The following USH2A variants were observed in gnomAD, a reference collection of about 807,000 sequenced individuals.
USH2A encodes the protein usherin.
USH2A carries 443 observed loss-of-function variants against 538.9 expected under a neutral mutation model. That is an observed-to-expected ratio of 0.82 (90% CI 0.76 to 0.89). USH2A has a LOEUF of 0.89. Ranked by LOEUF, USH2A falls within the 40% of genes least tolerant of loss-of-function variation. The pLI is 0.00. For missense variants in USH2A, 6,633 were observed against 6,324.8 expected (o/e 1.05, Z -1.65); for synonymous variants, 2,413 against 2,273.5 (o/e 1.06, Z -1.75).
At chr1:215,885,865 T>C (rs1188334714) in intron 41 of USH2A, among the ~76,000 whole-genome samples, 1 of 152,222 alleles carries the variant, frequency 6.6e-6, no homozygotes, top group Non-Finnish European at 1.5e-5. Context: ...CTCCTTGTAT[T>C]ATCCCCCACC....
chr1:215,958,666 C>G (rs2102448411), intron 37 of USH2A, among the ~76,000 whole-genome samples: 1 of 152,198 alleles, frequency 6.6e-6, no homozygotes, highest in Non-Finnish European at 1.5e-5. Flanking sequence ...CACCCCACTC[C>G]TTCCAGATGT....
chr1:215,714,259 AAAAT>A (rs1255810635), intron 61 of USH2A, among the ~76,000 whole-genome samples: 3 of 152,248 alleles, frequency 2.0e-5, no homozygotes, highest in African/African-American at 7.2e-5. Context: ...ATTAAAGAGA[AAAAT>A]AAAGACAGAA....
chr1:215,901,227 C>T (rs1408768326), intron 38 of USH2A: 2 of 385,038 alleles, frequency 5.2e-6, no homozygotes, highest in African/African-American at 2.1e-5. Context: ...TATTAAAGTA[C>T]CTTTTTCATT....
rs148284244 is a variant in USH2A at position 216,299,269 on chromosome 1, C to T, written c.1645-6899G>A. On this transcript the variant is annotated intron_variant, in intron 9 of 71. Coordinates refer to ENST00000307340, the MANE Select transcript of USH2A (RefSeq NM_206933.4). ...AGAGTGGTTTAAGATGTTCCAATTC[C>T]TAAAAAAAAAAAGGCTAACATTTAT... Among the ~76,000 whole-genome samples the T allele has an allele frequency of 1.8e-4, 26 of 147,288 alleles. 1 individual carries two copies. In the East Asian group the frequency reaches 4.5e-3, roughly 26 times the overall value.
chr1:216,092,221 T>G (rs1410345416), intron 22 of USH2A, among the ~76,000 whole-genome samples: 1 of 152,094 alleles, frequency 6.6e-6, no homozygotes, highest in African/African-American at 2.4e-5. Context: ...TCTACTATGT[T>G]CCAAAGACTG....
intron 51 of USH2A, among the ~76,000 whole-genome samples, chr1:215,788,751 T>C (rs534617165): frequency 2.7e-4 from 41 of 152,258 alleles, no homozygotes; most frequent in African/African-American, 9.4e-4. Context: ...CTCAAAATTC[T>C]GAGTAGACAT....
chr1:215,698,298 C>G (rs528379948), intron 61 of USH2A, among the ~76,000 whole-genome samples: 2 of 152,104 alleles, frequency 1.3e-5, no homozygotes, highest in Non-Finnish European at 2.9e-5. Flanking sequence ...GTGCATGTGT[C>G]TTTATACTAG....
At chr1:215,896,872 T>C (rs1459087004) in intron 40 of USH2A, among the ~76,000 whole-genome samples, 2 of 152,212 alleles carry the variant, frequency 1.3e-5, no homozygotes, top group East Asian at 3.9e-4. Flanking sequence ...TGTATTTATC[T>C]GGTTGCAACC....
intron 3 of USH2A, among the ~76,000 whole-genome samples, chr1:216,411,981 C>T (rs2039497474): frequency 6.6e-6 from 1 of 152,134 alleles, no homozygotes; most frequent in African/African-American, 2.4e-5. Flanking sequence ...TCATGTAGCA[C>T]TTACCACAAT....
At chr1:215,979,007 T>A (rs1667687000) in intron 35 of USH2A, among the ~76,000 whole-genome samples, 1 of 152,120 alleles carries the variant, frequency 6.6e-6, no homozygotes, top group South Asian at 2.1e-4. Flanking sequence ...AATAAAGACA[T>A]ACCTGAGACT....
intron 32 of USH2A, among the ~76,000 whole-genome samples, chr1:216,023,811 A>T (rs1316789221): frequency 6.6e-6 from 1 of 152,104 alleles, no homozygotes; most frequent in African/African-American, 2.4e-5. Context: ...TTGTACGATG[A>T]ATTGCATTTT....
At chr1:216,051,558 G>T (rs1178731247) in intron 30 of USH2A, among the ~76,000 whole-genome samples, 2 of 152,130 alleles carry the variant, frequency 1.3e-5, no homozygotes, top group African/African-American at 4.8e-5. Flanking sequence ...AAATGAATCA[G>T]CCCCCAGAGA....
At chr1:216,401,549 C>G (rs7539704) in intron 3 of USH2A, among the ~76,000 whole-genome samples, 2 of 151,918 alleles carry the variant, frequency 1.3e-5, no homozygotes, top group African/African-American at 2.4e-5. Flanking sequence ...AATATGCTAT[C>G]TGTACAACAT....
At chr1:216,268,232 C>T (rs1416463405) in intron 11 of USH2A, among the ~76,000 whole-genome samples, 2 of 151,954 alleles carry the variant, frequency 1.3e-5, no homozygotes, top group African/African-American at 4.8e-5. Flanking sequence ...AGGAGTGTCT[C>T]CTCAACTAAA....
At position 215,671,208 on chromosome 1, in the gene USH2A, A is replaced by G. The variant is rs780290797; in HGVS notation, c.13897T>C (p.Leu4633=). The change falls in exon 64 of 72, where the codon TTG becomes CTG. Residue 4633 remains leucine, a synonymous_variant. Coordinates refer to ENST00000307340, the MANE Select transcript of USH2A (RefSeq NM_206933.4). ...TFIQTPEIAP[L]MQPPPHLEVQ... ...TCCAGATGTGGAGGGGGTTGCATCA[A>G]AGGTGCAATCTCAGGGGTCTGTATG... is the stretch of plus-strand genomic sequence containing the variant. 6 of 1,614,180 alleles carry G rather than the reference A, an allele frequency of 3.7e-6. No homozygotes were observed. Among genetic ancestry groups the G allele is most frequent in the Middle Eastern group, 1.7e-4 (1 of 6,060 alleles).
At chr1:216,258,787 G>A (rs930029603) in intron 11 of USH2A, among the ~76,000 whole-genome samples, 1 of 151,986 alleles carries the variant, frequency 6.6e-6, no homozygotes, top group Admixed American at 6.6e-5. Context: ...CAAGCAGGAG[G>A]ATAAATTCTA....
In USH2A at chr1:215,674,574, T is replaced by G. The variant is rs765164137; in HGVS notation, c.13337A>C (p.Asn4446Thr). The part of the protein sequence containing the change: ...SAWTMEALPE[N>T]MDSPTLQVTG... ...GACTTGCAATGTTGGAGAGTCCATG[T>G]TCTCTGGCAGGGCCTCCATTGTCCA... Residue 4446 changes from asparagine to threonine, a missense_variant, in exon 63 of 72, where the codon AAC becomes ACC. Physicochemically the swap from Asn to Thr is moderately conservative, Grantham distance 65. Coordinates refer to ENST00000307340, the MANE Select transcript of USH2A (RefSeq NM_206933.4). 7.4e-6 allele frequency: 12 copies of G among 1,614,066 alleles called. No homozygotes were observed. Among genetic ancestry groups the G allele is most frequent in the Non-Finnish European group, 1.0e-5 (12 of 1,179,956 alleles).
At chr1:215,811,625 G>C (rs1279522098) in intron 49 of USH2A, among the ~76,000 whole-genome samples, 1 of 152,020 alleles carries the variant, frequency 6.6e-6, no homozygotes, top group Non-Finnish European at 1.5e-5. Context: ...ACCCTAGGCT[G>C]GGCCAGGTGT....
At chr1:215,978,249 T>C (rs633846) in intron 35 of USH2A, among the ~76,000 whole-genome samples, 70,795 of 152,050 alleles carry the variant, frequency 0.47, 16,689 homozygotes, top group Middle Eastern at 0.51. Context: ...TTGTCATTGC[T>C]GTAAAGAGGA....
Sources: gnomAD v4.1 joint callset for allele counts (sites outside exome capture counted in the v4.1 genomes callset) on GRCh38, gnomAD v4.1.1 for gene constraint, MANE v1.5 for transcripts, NCBI Gene and HGNC (gene_info 2026-07-23, HGNC 2026-07-21) for gene names.